Variants in STXBP5L observed in about 807,000 individuals in gnomAD.
STXBP5L encodes the protein syntaxin binding protein 5L, also known as syntaxin-binding protein 5-like.
Under a neutral mutation model 144.5 loss-of-function variants are expected in STXBP5L, and 65 were observed. The ratio of observed to expected loss-of-function variants is 0.45; its 90% CI spans 0.37 to 0.55. STXBP5L has a LOEUF of 0.55. Among genes scored for constraint, STXBP5L ranks in the 20% least tolerant of loss-of-function variants. The pLI, the probability that STXBP5L is intolerant of heterozygous loss-of-function variation, is 0.00. For synonymous variants in STXBP5L, 505 were observed against 469.6 expected (o/e 1.08, Z -0.97); for missense variants, 1,298 against 1,405.5 (o/e 0.92, Z 1.22).
intron 20 of STXBP5L, among the ~76,000 whole-genome samples, chr3:121,343,509 A>G (rs1255770493): frequency 6.6e-6 from 1 of 152,134 alleles, no homozygotes; most frequent in Non-Finnish European, 1.5e-5. Context: ...CCATTGTCTC[A>G]GCCCAAAATC....
chr3:121,172,552 T>C (rs1216062559), intron 9 of STXBP5L, among the ~76,000 whole-genome samples: 3 of 152,220 alleles, frequency 2.0e-5, no homozygotes, highest in Non-Finnish European at 2.9e-5. Flanking sequence ...AAAGAAGACA[T>C]TTATGCAGCC....
chr3:121,132,542 C>T (rs2045042545), intron 7 of STXBP5L, among the ~76,000 whole-genome samples: 1 of 152,186 alleles, frequency 6.6e-6, no homozygotes, highest in African/African-American at 2.4e-5. Context: ...TCTATGAGAA[C>T]ATTTCAGGAA....
chr3:121,106,323 G>T (rs2043704358), intron 5 of STXBP5L, among the ~76,000 whole-genome samples: 1 of 152,094 alleles, frequency 6.6e-6, no homozygotes, highest in Non-Finnish European at 1.5e-5. Flanking sequence ...ATGTGTCATG[G>T]TGGTTTGCTG....
intron 9 of STXBP5L, among the ~76,000 whole-genome samples, chr3:121,163,619 G>A (rs375642168): frequency 2.4e-4 from 37 of 151,774 alleles, no homozygotes; most frequent in African/African-American, 9.0e-4. Flanking sequence ...TAATTACAGG[G>A]TTTTTAAAAT....
intron 3 of STXBP5L, 43 bp from the exon 4 acceptor site, chr3:121,041,657 G>T (rs368864385): frequency 2.0e-5 from 28 of 1,382,224 alleles, no homozygotes; most frequent in Middle Eastern, 1.8e-4. Context: ...ATTAATATTG[G>T]TGCTAATTAA....
Position 121,257,341 on chromosome 3 carries a change from T to C in STXBP5L, c.1832+8T>C. On this transcript the variant is annotated splice_region_variant and intron_variant, in intron 17 of 26. Coordinates refer to ENST00000471454, the MANE Select transcript of STXBP5L (RefSeq NM_001308330.2). ...CAGTATTCCATGCCTCAAGTAAGAG[T>C]TTCTACCAAATTTTCAAACAATTTT... The C allele has an allele frequency of 6.3e-7, 1 of 1,584,968 alleles. No individual in the cohort carries two copies. Among genetic ancestry groups the C allele is most frequent in the Non-Finnish European group, 8.6e-7 (1 of 1,166,142 alleles).
At chr3:121,065,264 G>T (rs968216799) in intron 5 of STXBP5L, among the ~76,000 whole-genome samples, 1 of 151,996 alleles carries the variant, frequency 6.6e-6, no homozygotes, top group East Asian at 1.9e-4. Context: ...CCCAGTAATG[G>T]GATTGCTGGG....
rs200620838 is a variant in STXBP5L at position 121,283,885 on chromosome 3, GTGTGTGTGCT to G, written c.2110+3938_2110+3947del. 9.3e-3 allele frequency among the ~76,000 whole-genome samples: 1,311 copies of G among 140,564 alleles called. 20 individuals are homozygous for G. The highest frequency in any genetic ancestry group is 0.036 in the African/African-American group (1,243 of 34,154). The allele number at this position is 140,564 out of a possible 152,430, so 92.2% of individuals were successfully genotyped here. The stretch of plus-strand genomic sequence containing the variant: ...TCTGAAGGTAGGATCTCCTACATTT[GTGTGTGTGCT>G]TGTGTGTGTGTGTGTGTGTGTGTGT... On this transcript the variant is annotated intron_variant, in intron 19 of 26. Transcript: ENST00000471454.
intron 5 of STXBP5L, among the ~76,000 whole-genome samples, chr3:121,045,904 G>C (rs1198350409): frequency 5.9e-5 from 9 of 152,046 alleles, no homozygotes; most frequent in Non-Finnish European, 1.3e-4. Context: ...AGTCTATGTT[G>C]ACTAGGAATG....
chr3:121,055,350 A>G (rs1179411347), intron 5 of STXBP5L, among the ~76,000 whole-genome samples: 1 of 151,754 alleles, frequency 6.6e-6, no homozygotes, highest in South Asian at 2.1e-4. Context: ...TTTTCTAAGT[A>G]CTCTTATGTT....
At chr3:121,259,236 T>C in intron 18 of STXBP5L, 68 bp downstream of exon 18, 1 of 1,266,480 alleles carries the variant, frequency 7.9e-7, no homozygotes, top group Admixed American at 3.0e-5. Flanking sequence ...AGATGTTCCT[T>C]GCTTAAGTCC....
At chr3:121,218,698 G>A (rs1303326991) in intron 10 of STXBP5L, among the ~76,000 whole-genome samples, 2 of 151,976 alleles carry the variant, frequency 1.3e-5, no homozygotes, top group South Asian at 2.1e-4. Flanking sequence ...CCAAGCAAAG[G>A]GAGGAAGAGA....
chr3:121,339,815 G>GA (rs201461700), intron 20 of STXBP5L, among the ~76,000 whole-genome samples: 2,131 of 143,270 alleles, frequency 0.015, 44 homozygotes, highest in African/African-American at 0.048. Flanking sequence ...TATAATAGCT[G>GA]AAAAAAAAAA....
intron 7 of STXBP5L, among the ~76,000 whole-genome samples, chr3:121,149,933 C>G (rs931065136): frequency 1.3e-5 from 2 of 151,978 alleles, no homozygotes; most frequent in Non-Finnish European, 2.9e-5. Context: ...TTTTTCTTCT[C>G]TACGTACATA....
intron 22 of STXBP5L, among the ~76,000 whole-genome samples, chr3:121,399,732 T>C (rs2046824092): frequency 6.6e-6 from 1 of 152,200 alleles, no homozygotes; most frequent in African/African-American, 2.4e-5. Flanking sequence ...GGCCAGGTGT[T>C]CCTTGCCCTC....
At chr3:121,147,961 C>G (rs1389944672) in intron 7 of STXBP5L, among the ~76,000 whole-genome samples, 1 of 152,072 alleles carries the variant, frequency 6.6e-6, no homozygotes, top group African/African-American at 2.4e-5. Context: ...ACCATTGGTT[C>G]TCCTGGTTCT....
intron 3 of STXBP5L, among the ~76,000 whole-genome samples, chr3:121,027,127 ATGTG>A (rs1309547605): frequency 6.6e-6 from 1 of 151,818 alleles, no homozygotes; most frequent in Non-Finnish European, 1.5e-5. Context: ...GTATATGTGT[ATGTG>A]TGTTTATATA....
At chr3:121,012,063 C>T (rs948666794) in intron 3 of STXBP5L, among the ~76,000 whole-genome samples, 1 of 151,796 alleles carries the variant, frequency 6.6e-6, no homozygotes, top group Admixed American at 6.6e-5. Flanking sequence ...TAAATGAAAT[C>T]ATGCCATATG....
chr3:121,398,974 T>A (rs561696808), intron 22 of STXBP5L, among the ~76,000 whole-genome samples: 9 of 152,092 alleles, frequency 5.9e-5, no homozygotes, highest in African/African-American at 2.2e-4. Context: ...GGCAACTACT[T>A]TTCACCCAGT....
Sources: gnomAD v4.1 joint callset for allele counts (sites outside exome capture counted in the v4.1 genomes callset) on GRCh38, gnomAD v4.1.1 for gene constraint, MANE v1.5 for transcripts, NCBI Gene and HGNC (gene_info 2026-07-23, HGNC 2026-07-21) for gene names.